Variants in KIAA0586 observed in about 807,000 individuals in gnomAD.
KIAA0586 encodes KIAA0586, also known as protein TALPID3.
A neutral mutation model predicts 169.8 loss-of-function variants in KIAA0586; 144 were observed. The observed-to-expected ratio is 0.85, with a 90% confidence interval of 0.74 to 0.97. The LOEUF (loss-of-function observed/expected upper bound fraction) is 0.97, where lower values mean the gene tolerates loss of function less well. Among genes scored for constraint, KIAA0586 ranks in the 50% least tolerant of loss-of-function variants. The pLI is 0.00. For missense variants in KIAA0586, 1,854 were observed against 1,823.0 expected, an observed-to-expected ratio of 1.02 and a Z score of -0.31; for synonymous variants, 625 against 612.4, an observed-to-expected ratio of 1.02 and a Z score of -0.30.
chr14:58,502,328 CG>C (rs1435806005), intron 27 of KIAA0586, among the ~76,000 whole-genome samples: 1 of 151,984 alleles, frequency 6.6e-6, no homozygotes, highest in Non-Finnish European at 1.5e-5. Flanking sequence ...TTTGTAGAGA[CG>C]GGGTTTTGCC....
At chr14:58,481,011 A>G (rs998273837) in intron 20 of KIAA0586, among the ~76,000 whole-genome samples, 1 of 152,162 alleles carries the variant, frequency 6.6e-6, no homozygotes, top group East Asian at 1.9e-4. Context: ...CGATGTTCTG[A>G]TTTTGGGCCA....
In KIAA0586 at chr14:58,428,469, T is replaced by G. The variant is rs764690540; in HGVS notation, c.199+6T>G. On this transcript the variant is annotated splice_donor_region_variant and intron_variant, in intron 1 of 30. Coordinates refer to ENST00000652326, the MANE Select transcript of KIAA0586 (RefSeq NM_001329943.3). ...TTTGAATGGAACATCACGTGGTATG[T>G]GATTCCATGTAGTTTTTCAACCAGT... 4 of 1,592,082 alleles carry G rather than the reference T, an allele frequency of 2.5e-6. No homozygotes were observed. Among genetic ancestry groups the G allele is most frequent in the Non-Finnish European group, 3.4e-6 (4 of 1,161,134 alleles).
intron 29 of KIAA0586, among the ~76,000 whole-genome samples, chr14:58,536,755 C>A (rs2046315283): frequency 2.0e-5 from 3 of 152,078 alleles, no homozygotes; most frequent in African/African-American, 7.2e-5. Context: ...AATTCTATTT[C>A]CAAATCTAAG....
intron 18 of KIAA0586, 91 bp from the exon 19 acceptor site, chr14:58,474,516 C>G (rs1005350049): frequency 8.5e-6 from 7 of 819,232 alleles, no homozygotes; most frequent in Non-Finnish European, 1.3e-5. Context: ...AGAAGGGTTT[C>G]TTAATTCACC....
chr14:58,472,157 A>G, intron 17 of KIAA0586, 42 bp from the exon 18 acceptor site: 1 of 999,150 alleles, frequency 1.0e-6, no homozygotes, highest in Non-Finnish European at 1.5e-6. Flanking sequence ...AAATTTTAAA[A>G]GTGTTAAGCA....
chr14:58,476,557 G>A (rs1006771021), intron 19 of KIAA0586, among the ~76,000 whole-genome samples: 5 of 151,978 alleles, frequency 3.3e-5, no homozygotes, highest in African/African-American at 4.8e-5. Context: ...TTTGAGTTTA[G>A]GAGTTCTTTT....
chr14:58,512,339 T>C (rs2044449474), intron 28 of KIAA0586, among the ~76,000 whole-genome samples, 183 bp from the exon 29 acceptor site: 1 of 152,110 alleles, frequency 6.6e-6, no homozygotes, highest in African/African-American at 2.4e-5. Flanking sequence ...ACGTCTTTTC[T>C]TTTGTAATAG....
chr14:58,472,108 AAG>A (rs1595254476), intron 17 of KIAA0586, 89 bp from the exon 18 acceptor site: 1 of 552,998 alleles, frequency 1.8e-6, no homozygotes, highest in Non-Finnish European at 3.1e-6. Flanking sequence ...ATGTAATTAT[AAG>A]CTTATACTAT....
intron 3 of KIAA0586, among the ~76,000 whole-genome samples, chr14:58,432,101 C>G (rs939806072): frequency 6.6e-6 from 1 of 152,056 alleles, no homozygotes. Context: ...ACTTCCACTA[C>G]TGTATTGAAA....
intron 8 of KIAA0586, 145 bp downstream of exon 8, chr14:58,450,891 C>T: frequency 3.8e-6 from 2 of 522,626 alleles, no homozygotes; most frequent in Non-Finnish European, 3.4e-6. Context: ...TCTTTAGATT[C>T]TTTGTAAAAG....
At chr14:58,531,100 G>A (rs1278892597) in intron 29 of KIAA0586, among the ~76,000 whole-genome samples, 2 of 151,598 alleles carry the variant, frequency 1.3e-5, no homozygotes, top group East Asian at 1.9e-4. Flanking sequence ...GGTGGATCAC[G>A]AGGTCAGGAG....
chr14:58,478,000 T>A (rs2041774558), intron 20 of KIAA0586, among the ~76,000 whole-genome samples: 1 of 152,144 alleles, frequency 6.6e-6, no homozygotes, highest in Non-Finnish European at 1.5e-5. Flanking sequence ...GTGTACAGTT[T>A]GACAAGTTTT....
chr14:58,499,793 AG>A lies in KIAA0586; in HGVS notation c.4168+835del, dbSNP rs372309294. On this transcript the variant is annotated intron_variant, in intron 27 of 30. Coordinates refer to ENST00000652326, the MANE Select transcript of KIAA0586 (RefSeq NM_001329943.3). ...AGGCTGGTCTCGAACTCCTGACCTC[AG>A]GTGATCTGCCCACCTTGGCCTCCCA... Among the ~76,000 whole-genome samples, 69 of 151,308 alleles carry A rather than the reference AG, an allele frequency of 4.6e-4. 1 individual carries two copies. The South Asian group carries it at 0.014, about 32-fold the overall frequency.
At chr14:58,528,528 C>G (rs1313129100) in intron 29 of KIAA0586, among the ~76,000 whole-genome samples, 2 of 152,164 alleles carry the variant, frequency 1.3e-5, no homozygotes, top group African/African-American at 4.8e-5. Flanking sequence ...TGCAATCAAA[C>G]TAGAACTCAG....
In KIAA0586 at chr14:58,474,809, A is replaced by G; in HGVS notation, c.2825+12A>G. Reference sequence around the variant, plus strand: ...AGCTTAATTCAATGGTAAGTTTATAATGTTTTTGGTATGAATAGAACCATA... The same window carrying G: ...AGCTTAATTCAATGGTAAGTTTATAGTGTTTTTGGTATGAATAGAACCATA... On this transcript the variant is annotated intron_variant, in intron 19 of 30. Coordinates refer to ENST00000652326, the MANE Select transcript of KIAA0586 (RefSeq NM_001329943.3). The G allele has an allele frequency of 6.4e-7, 1 of 1,562,390 alleles. No homozygotes were observed. Among genetic ancestry groups the G allele is most frequent in the Middle Eastern group, 1.7e-4 (1 of 5,868 alleles).
intron 29 of KIAA0586, among the ~76,000 whole-genome samples, chr14:58,520,096 A>G (rs533018010): frequency 6.6e-6 from 1 of 152,290 alleles, no homozygotes; most frequent in South Asian, 2.1e-4. Context: ...GGGTGGGGAA[A>G]ATTAAATCAG....
chr14:58,495,294 A>T (rs188425416), intron 26 of KIAA0586, among the ~76,000 whole-genome samples: 1 of 150,892 alleles, frequency 6.6e-6, no homozygotes, highest in Admixed American at 6.6e-5. Context: ...GTGTGTGTGT[A>T]TATATATATA....
At chr14:58,561,201 T>G in the KIAA0586 span, among the ~76,000 whole-genome samples, 1 of 152,226 alleles carries the variant, frequency 6.6e-6, no homozygotes, top group South Asian at 2.1e-4. Context: ...AGCGTGTGTG[T>G]GTGTTGAGAT....
rs183826572 is a variant in KIAA0586, at chr14:58,458,921, C to G, written c.1656+376C>G. Among the ~76,000 whole-genome samples, 554 of 152,202 alleles carry G rather than the reference C, an allele frequency of 3.6e-3. 3 individuals are homozygous for G. The highest frequency in any genetic ancestry group is 6.1e-3 in the Non-Finnish European group (413 of 67,998). ...AGTAATGCAAAGAGAAAAAAACCAA[C>G]GAGATTTACTAAGTTTACGGAAGTC... On this transcript the variant is annotated intron_variant, in intron 12 of 30. Coordinates refer to ENST00000652326, the MANE Select transcript of KIAA0586 (RefSeq NM_001329943.3).
Sources: allele counts gnomAD v4.1 joint callset (sites outside exome capture counted in the v4.1 genomes callset), GRCh38; gene constraint gnomAD v4.1.1; transcripts MANE v1.5; gene names NCBI Gene and HGNC (gene_info 2026-07-23, HGNC 2026-07-21).